SSBP3: variants seen among roughly 807,000 people sequenced by gnomAD.
SSBP3 encodes the protein single stranded DNA binding protein 3.
A neutral mutation model predicts 69.6 loss-of-function variants in SSBP3; 5 were observed. The ratio of observed to expected loss-of-function variants is 0.07; its 90% CI spans 0.04 to 0.15. The LOEUF (loss-of-function observed/expected upper bound fraction) is 0.15, where lower values mean the gene tolerates loss of function less well. SSBP3 is among the 10% of genes least tolerant of loss of function. The pLI is 1.00. For missense variants in SSBP3, 312 were observed against 534.0 expected, an observed-to-expected ratio of 0.58 and a Z score of 4.10; for synonymous variants, 196 against 193.4, an observed-to-expected ratio of 1.01 and a Z score of -0.11.
chr1:54,410,947 A>G (rs1300985018), upstream of SSBP3, among the ~76,000 whole-genome samples: 1 of 152,210 alleles, frequency 6.6e-6, no homozygotes, highest in Non-Finnish European at 1.5e-5. Context: ...GAAAAAGATG[A>G]TTACTCATGG....
intron 4 of SSBP3, among the ~76,000 whole-genome samples, chr1:54,332,887 C>T (rs922273244): frequency 2.0e-5 from 3 of 152,220 alleles, no homozygotes; most frequent in East Asian, 1.9e-4. Context: ...TGCTGGCACT[C>T]GGGTCAGGAG....
chr1:54,238,458 AG>A (rs1644540307), intron 14 of SSBP3: 2 of 387,814 alleles, frequency 5.2e-6, no homozygotes, highest in East Asian at 7.3e-5. Context: ...TTGCCTGTGG[AG>A]GGGAAGCAGA....
intron 4 of SSBP3, among the ~76,000 whole-genome samples, chr1:54,370,661 C>T: frequency 6.6e-6 from 1 of 152,088 alleles, no homozygotes; most frequent in South Asian, 2.1e-4. Flanking sequence ...CTAGAGGGTG[C>T]CAATGAGCTC....
chr1:54,225,557 CAG>C (rs1169819944), exon 18 of SSBP3: 2 of 617,628 alleles, frequency 3.2e-6, no homozygotes, highest in Non-Finnish European at 4.6e-6. Context: ...AGAAAAAACA[CAG>C]AAACAGCTAC....
intron 3 of SSBP3, among the ~76,000 whole-genome samples, chr1:54,403,574 C>G (rs959355788): frequency 6.6e-6 from 1 of 152,174 alleles, no homozygotes; most frequent in African/African-American, 2.4e-5. Context: ...TAATTAAAAA[C>G]TCATTTTCTC....
At chr1:54,376,021 G>T (rs1418388875) in intron 4 of SSBP3, among the ~76,000 whole-genome samples, 4 of 152,016 alleles carry the variant, frequency 2.6e-5, no homozygotes, top group African/African-American at 9.7e-5. Context: ...GGAGGGGGAG[G>T]AAAGAGCCTT....
At chr1:54,411,878 C>T (rs1294975902) in intron 1 of SSBP3, among the ~76,000 whole-genome samples, 31 of 131,852 alleles carry the variant, frequency 2.4e-4, no homozygotes, top group Admixed American at 9.2e-4. Context: ...GGGGACAGAG[C>T]GAGACTCCGT....
Position 54,302,566 on chromosome 1 carries a change from A to G in SSBP3, c.277-21039T>C, listed in dbSNP as rs141896654. Among the ~76,000 whole-genome samples the G allele has an allele frequency of 3.3e-4, 50 of 152,172 alleles. No individual in the cohort carries two copies. The East Asian group carries it at 9.7e-3, about 29-fold the overall frequency. ...TAATGTTGATGTGTTTATTCCTTTA[A>G]TATTTGTTTCTTTCTCTAGCTTTTA... On this transcript the variant is annotated intron_variant, in intron 4 of 17. Transcript: ENST00000610401.
At chr1:54,351,485 G>GC (rs1175910377) in intron 4 of SSBP3, among the ~76,000 whole-genome samples, 1 of 152,178 alleles carries the variant, frequency 6.6e-6, no homozygotes, top group African/African-American at 2.4e-5. Flanking sequence ...TACCTCCTGG[G>GC]CCAAAATTCA....
intron 4 of SSBP3, among the ~76,000 whole-genome samples, chr1:54,359,416 A>ACT (rs1646918492): frequency 1.3e-5 from 2 of 152,204 alleles, no homozygotes; most frequent in Non-Finnish European, 2.9e-5. Flanking sequence ...GGGATTTTAG[A>ACT]GGTTATCGAC....
intron 4 of SSBP3, among the ~76,000 whole-genome samples, chr1:54,384,104 T>TAAAAAAAAA (rs1647892620): frequency 4.7e-5 from 2 of 42,338 alleles, no homozygotes; most frequent in Admixed American, 3.1e-4. Context: ...AGACTCCATC[T>TAAAAAAAAA]CAAAAAAAAA....
At chr1:54,404,900 C>T (rs778652983) in exon 2 of SSBP3, 1 of 1,612,606 alleles carries the variant, frequency 6.2e-7, no homozygotes, top group East Asian at 2.2e-5. Flanking sequence ...CTCCTACGTG[C>T]AGTAAATATT....
intron 14 of SSBP3, among the ~76,000 whole-genome samples, chr1:54,229,509 G>A (rs543158849): frequency 1.3e-5 from 2 of 152,342 alleles, no homozygotes; most frequent in Admixed American, 1.3e-4. Flanking sequence ...ACTGTGGGGT[G>A]GTGGCAGGAG....
chr1:54,345,568 T>TCTGAAGTG (rs1646675683), intron 4 of SSBP3, among the ~76,000 whole-genome samples: 1 of 152,214 alleles, frequency 6.6e-6, no homozygotes, highest in African/African-American at 2.4e-5. Context: ...AAAGGCCCTC[T>TCTGAAGTG]CTGAAGTGCT....
chr1:54,374,410 A>T (rs1381762596), intron 4 of SSBP3, among the ~76,000 whole-genome samples: 1 of 152,224 alleles, frequency 6.6e-6, no homozygotes, highest in African/African-American at 2.4e-5. Context: ...AAGCCCCAAA[A>T]GGGCATCACA....
At chr1:54,251,734 A>G (rs1644834095) in intron 8 of SSBP3, 42 bp from the exon 9 acceptor site, 1 of 1,586,708 alleles carries the variant, frequency 6.3e-7, no homozygotes, top group East Asian at 2.3e-5. Context: ...GCAGGAGTGG[A>G]GGGAGGAGGA....
intron 4 of SSBP3, among the ~76,000 whole-genome samples, chr1:54,338,014 C>G (rs2100502612): frequency 6.6e-6 from 1 of 152,284 alleles, no homozygotes; most frequent in South Asian, 2.1e-4. Context: ...CCCAGGCCGA[C>G]TGAGAAATAA....
At chr1:54,394,786 T>C (rs1308367849) in intron 4 of SSBP3, among the ~76,000 whole-genome samples, 1 of 133,992 alleles carries the variant, frequency 7.5e-6, no homozygotes, top group Non-Finnish European at 1.5e-5. Flanking sequence ...CACTGCAACC[T>C]CCGCCTCCTG....
intron 14 of SSBP3, among the ~76,000 whole-genome samples, chr1:54,232,157 C>T (rs573626564): frequency 7.9e-5 from 12 of 152,184 alleles, no homozygotes; most frequent in African/African-American, 2.4e-4. Flanking sequence ...CTGTTAACAG[C>T]GGCAATTAGT....
Sources: allele counts gnomAD v4.1 joint callset (sites outside exome capture counted in the v4.1 genomes callset), GRCh38; gene constraint gnomAD v4.1.1; transcripts MANE v1.5; gene names NCBI Gene and HGNC (gene_info 2026-07-23, HGNC 2026-07-21).